SEMA3A: variants seen among roughly 807,000 people sequenced by gnomAD.
The protein encoded by SEMA3A is semaphorin-3A.
SEMA3A carries 29 observed loss-of-function variants against 97.9 expected under a neutral mutation model. That is an observed-to-expected ratio of 0.30 (90% confidence interval 0.22 to 0.40). The LOEUF is 0.40. Among genes scored for constraint, SEMA3A ranks in the 10% least tolerant of loss-of-function variants. The pLI is 1.00. For missense variants in SEMA3A, 763 were observed against 951.3 expected, an observed-to-expected ratio of 0.80 and a Z score of 2.60; for synonymous variants, 321 against 323.7, an observed-to-expected ratio of 0.99 and a Z score of 0.09.
chr7:83,962,654 T>G (rs1788517428), intron 16 of SEMA3A, among the ~76,000 whole-genome samples: 1 of 152,162 alleles, frequency 6.6e-6, no homozygotes, highest in Middle Eastern at 3.2e-3. Context: ...TATACAATTC[T>G]TTACTCTTAT....
intron 4 of SEMA3A, among the ~76,000 whole-genome samples, chr7:84,062,172 T>C (rs1344090828): frequency 3.9e-5 from 6 of 152,238 alleles, no homozygotes; most frequent in South Asian, 4.1e-4. Context: ...CAAAATAATA[T>C]GGAAATTAAC....
intron 3 of SEMA3A, among the ~76,000 whole-genome samples, chr7:84,215,373 A>C (rs1418867997): frequency 6.6e-6 from 1 of 151,198 alleles, no homozygotes; most frequent in Non-Finnish European, 1.5e-5. Context: ...TTTTTCATAG[A>C]GATGGGGTTT....
At chr7:84,137,813 C>T (rs1318430673) in intron 1 of SEMA3A, among the ~76,000 whole-genome samples, 1 of 150,838 alleles carries the variant, frequency 6.6e-6, no homozygotes, top group Non-Finnish European at 1.5e-5. Flanking sequence ...TGCATAGAAA[C>T]TACATAAGGG....
intron 2 of SEMA3A, among the ~76,000 whole-genome samples, chr7:84,324,327 A>G (rs2115922232): frequency 6.6e-6 from 1 of 152,334 alleles, no homozygotes; most frequent in South Asian, 2.1e-4. Flanking sequence ...AGTGCAAGTC[A>G]GAACTGTTAC....
At chr7:84,491,852 T>C (rs948990725) in intron 1 of SEMA3A, among the ~76,000 whole-genome samples, 3 of 152,188 alleles carry the variant, frequency 2.0e-5, no homozygotes, top group African/African-American at 7.2e-5. Flanking sequence ...CTTATGTTAT[T>C]AGACAAATGA....
chr7:84,257,910 A>T, intron 3 of SEMA3A, among the ~76,000 whole-genome samples: 1 of 152,198 alleles, frequency 6.6e-6, no homozygotes, highest in Non-Finnish European at 1.5e-5. Flanking sequence ...TTAACATTTT[A>T]TTTCTATATT....
chr7:84,369,319 T>C (rs1802921852), intron 2 of SEMA3A, among the ~76,000 whole-genome samples: 1 of 151,048 alleles, frequency 6.6e-6, no homozygotes, highest in South Asian at 2.1e-4. Flanking sequence ...GAATCATTTT[T>C]AGTCATTCCA....
rs1797979037 is a variant in SEMA3A at position 84,189,549 on chromosome 7, T to A, written c.112+4926A>T. Among the ~76,000 whole-genome samples the A allele has an allele frequency of 3.3e-5, 5 of 151,876 alleles. No homozygotes were observed. In the South Asian group the frequency reaches 1.0e-3, roughly 31 times the overall value. On this transcript the variant is annotated intron_variant, in intron 1 of 16. Coordinates refer to ENST00000265362, the MANE Select transcript of SEMA3A (RefSeq NM_006080.3). Reference sequence around the variant, plus strand: ...GGAGTTAAAATGAGAAAAATTGGGATAATTTAAAATACACAATTTCTTACA... The same window carrying A: ...GGAGTTAAAATGAGAAAAATTGGGAAAATTTAAAATACACAATTTCTTACA...
At chr7:84,206,943 C>G (rs1003056927) in intron 3 of SEMA3A, among the ~76,000 whole-genome samples, 1 of 152,084 alleles carries the variant, frequency 6.6e-6, no homozygotes, top group Non-Finnish European at 1.5e-5. Flanking sequence ...ACTTTGATTA[C>G]CCACCTTTAA....
chr7:84,479,658 A>G, intron 1 of SEMA3A, among the ~76,000 whole-genome samples: 1 of 152,208 alleles, frequency 6.6e-6, no homozygotes, highest in East Asian at 1.9e-4. Flanking sequence ...GATATTTAAA[A>G]TAAACCTTAA....
intron 1 of SEMA3A, among the ~76,000 whole-genome samples, chr7:84,406,649 T>A (rs1242894682): frequency 6.6e-6 from 1 of 152,134 alleles, no homozygotes; most frequent in African/African-American, 2.4e-5. Flanking sequence ...GCAAAAATCC[T>A]CAATAAAATA....
intron 1 of SEMA3A, among the ~76,000 whole-genome samples, chr7:84,150,328 C>T (rs1246757031): frequency 6.6e-6 from 1 of 152,158 alleles, no homozygotes; most frequent in Non-Finnish European, 1.5e-5. Flanking sequence ...ATCTGAGGTA[C>T]CGGGTTCATC....
At chr7:83,999,710 T>A (rs1293636901) in intron 12 of SEMA3A, among the ~76,000 whole-genome samples, 1 of 152,048 alleles carries the variant, frequency 6.6e-6, no homozygotes, top group Non-Finnish European at 1.5e-5. Flanking sequence ...GTATTATAAC[T>A]GAAAGGAAAT....
chr7:84,426,305 TAGATAGATAGATAGAC>T (rs1446881319), intron 1 of SEMA3A, among the ~76,000 whole-genome samples: 5 of 151,904 alleles, frequency 3.3e-5, no homozygotes, highest in African/African-American at 1.2e-4. Context: ...GATAGATAGA[TAGATAGATAGATAGAC>T]AGACAAATGC....
chr7:84,348,447 A>C (rs1802357189), intron 2 of SEMA3A, among the ~76,000 whole-genome samples: 1 of 152,162 alleles, frequency 6.6e-6, no homozygotes, highest in East Asian at 1.9e-4. Flanking sequence ...GTATTTCTGA[A>C]GGTATGTTCT....
intron 2 of SEMA3A, among the ~76,000 whole-genome samples, chr7:84,315,744 TATTTC>T (rs1741506941): frequency 6.6e-6 from 1 of 152,098 alleles, no homozygotes; most frequent in African/African-American, 2.4e-5. Context: ...TGCAAAAACT[TATTTC>T]AATTACATTC....
At chr7:84,141,246 A>T (rs1392612598) in intron 1 of SEMA3A, among the ~76,000 whole-genome samples, 2 of 152,170 alleles carry the variant, frequency 1.3e-5, no homozygotes, top group African/African-American at 4.8e-5. Context: ...ATATGCATCA[A>T]GCTTACACAT....
intron 1 of SEMA3A, among the ~76,000 whole-genome samples, chr7:84,444,777 G>A (rs1255810517): frequency 1.3e-5 from 2 of 151,976 alleles, no homozygotes; most frequent in East Asian, 1.9e-4. Context: ...AGCCAGGATG[G>A]TCTTGATCTC....
chr7:84,410,863 C>T (rs575463767), intron 1 of SEMA3A, among the ~76,000 whole-genome samples: 46 of 152,106 alleles, frequency 3.0e-4, no homozygotes, highest in Non-Finnish European at 5.0e-4. Context: ...GACCGTTTTC[C>T]CAGGGTATCT....
Sources: allele counts gnomAD v4.1 joint callset (sites outside exome capture counted in the v4.1 genomes callset), GRCh38; gene constraint gnomAD v4.1.1; transcripts MANE v1.5; gene names NCBI Gene and HGNC (gene_info 2026-07-23, HGNC 2026-07-21).